Variants in TPO observed in about 807,000 individuals in gnomAD.
TPO encodes the protein thyroid microsomal antigen.
TPO carries 78 observed loss-of-function variants against 96.9 expected under a neutral mutation model. That is an observed-to-expected ratio of 0.81 (90% CI 0.67 to 0.97). TPO has a LOEUF of 0.97. Among genes scored for constraint, TPO ranks in the 50% least tolerant of loss-of-function variants. The pLI, the probability that TPO is intolerant of heterozygous loss-of-function variation, is 0.00. For missense variants in TPO, 1,252 were observed against 1,274.8 expected, an observed-to-expected ratio of 0.98 and a Z score of 0.27; for synonymous variants, 547 against 538.0, an observed-to-expected ratio of 1.02 and a Z score of -0.23.
chr2:1,496,351 G>GGGGCA (rs1672339745), intron 12 of TPO, among the ~76,000 whole-genome samples, 154 bp downstream of exon 12: 1 of 147,882 alleles, frequency 6.8e-6, no homozygotes, highest in African/African-American at 2.7e-5. Flanking sequence ...GGGGCGGGGC[G>GGGGCA]GGGCGGGGCG....
At chr2:1,476,727 C>T (rs988970805) in intron 7 of TPO, among the ~76,000 whole-genome samples, 3 of 152,312 alleles carry the variant, frequency 2.0e-5, no homozygotes, top group African/African-American at 7.2e-5. Flanking sequence ...ATGTGGGGTC[C>T]ATCCTCTGGG....
At chr2:1,422,395 G>GACAGACCTCGT (rs1163151839) in intron 2 of TPO, among the ~76,000 whole-genome samples, 74 of 151,410 alleles carry the variant, frequency 4.9e-4, no homozygotes, top group South Asian at 1.3e-3. Context: ...CGCCGCGCTG[G>GACAGACCTCGT]GCCATGGGGA....
intron 8 of TPO, among the ~76,000 whole-genome samples, chr2:1,482,130 CGA>C (rs1399403986): frequency 6.6e-6 from 1 of 152,190 alleles, no homozygotes; most frequent in Non-Finnish European, 1.5e-5. Flanking sequence ...TGAAAGCAGT[CGA>C]GAGTCAGAAA....
intron 12 of TPO, 144 bp from the exon 13 acceptor site, chr2:1,496,451 G>C (rs755812834): frequency 1.2e-5 from 15 of 1,201,784 alleles, no homozygotes; most frequent in Non-Finnish European, 1.7e-5. Context: ...GTGCTGCGTG[G>C]GTGCTCAGTG....
intron 1 of TPO, among the ~76,000 whole-genome samples, chr2:1,391,186 C>G (rs1390329764): frequency 6.6e-6 from 1 of 152,174 alleles, no homozygotes; most frequent in Admixed American, 6.5e-5. Context: ...AGTCTTTAAT[C>G]CATCTTGAAT....
At chr2:1,427,471 A>G (rs1664532715) in intron 3 of TPO, among the ~76,000 whole-genome samples, 1 of 151,982 alleles carries the variant, frequency 6.6e-6, no homozygotes, top group African/African-American at 2.4e-5. Context: ...TGGCCCCATG[A>G]GTGTGTGGGG....
intron 15 of TPO, among the ~76,000 whole-genome samples, chr2:1,526,371 AC>A (rs1459783980): frequency 2.1e-5 from 1 of 47,242 alleles, no homozygotes; most frequent in Non-Finnish European, 3.8e-5. Context: ...ACTGTGTGCA[AC>A]CCCCCAAATG....
In TPO at chr2:1,493,873, G is replaced by A. The variant is rs752867884; in HGVS notation, c.1840G>A (p.Ala614Thr). ...CCCCGCTGACCTGAGCACAGCCATC[G>A]CCAGCAGGAGCGTGGCCGACAAGAT... ...ETPADLSTAI[A>T]SRSVADKILD... Residue 614 changes from alanine (A) to threonine (T), a missense_variant, in exon 11 of 17, where the codon GCC becomes ACC. Ala to Thr is a moderately conservative substitution (Grantham distance 58). Transcript: ENST00000329066. 8.1e-6 allele frequency: 13 copies of A among 1,614,058 alleles called. No individual in the cohort carries two copies. The Admixed American group carries it at 1.2e-4, about 14-fold the overall frequency.
chr2:1,435,875 G>C (rs573586048), intron 4 of TPO, among the ~76,000 whole-genome samples: 2 of 152,232 alleles, frequency 1.3e-5, no homozygotes, highest in South Asian at 4.1e-4. Flanking sequence ...GCCATTACTA[G>C]GCACACATGC....
intron 8 of TPO, among the ~76,000 whole-genome samples, chr2:1,484,072 A>T (rs1460077002): frequency 6.6e-6 from 1 of 152,192 alleles, no homozygotes; most frequent in African/African-American, 2.4e-5. Flanking sequence ...ACACTGTTAA[A>T]CCTGAAAGTA....
chr2:1,479,006 G>A lies in TPO; in HGVS notation c.1338+1402G>A, dbSNP rs577482285. ...GGAGGCTTATGTGGGTGAGAAGATC[G>A]AGTTAGAAATGAAAACAGGAACCTT... On this transcript the variant is annotated intron_variant, in intron 8 of 16. Coordinates refer to ENST00000329066, the MANE Select transcript of TPO (RefSeq NM_001206744.2). Among the ~76,000 whole-genome samples the A allele has an allele frequency of 3.3e-5, 5 of 152,330 alleles. No homozygotes were observed. The East Asian group carries it at 5.8e-4, about 18-fold the overall frequency.
At chr2:1,411,856 A>G (rs1376142836), upstream of TPO, among the ~76,000 whole-genome samples, 1 of 152,072 alleles carries the variant, frequency 6.6e-6, no homozygotes, top group African/African-American at 2.4e-5. Context: ...AATCCAGGCT[A>G]ATCTCCCCTC....
rs1454748950 is a variant in TPO at position 1,490,479 on chromosome 2, CAG to C, written c.1768+2489_1768+2490del. 7.7e-5 allele frequency among the ~76,000 whole-genome samples: 11 copies of C among 142,732 alleles called. No individual in the cohort carries two copies. The East Asian group carries it at 2.2e-3, about 29-fold the overall frequency. The allele number at this position is 142,732 out of a possible 152,430, so 93.6% of individuals were successfully genotyped here. A position where few individuals can be genotyped will look rare whatever the true frequency, so the allele number is the denominator to read the frequency against. On this transcript the variant is annotated intron_variant, in intron 10 of 16. Transcript: ENST00000329066. ...TAAGAGCCGCCACGAGGGTCCCACA[CAG>C]GGGGAGTCACGACACAGCAGTGTAA... is the stretch of plus-strand genomic sequence containing the variant.
chr2:1,380,038 G>T (rs140532157), intron 1 of TPO, among the ~76,000 whole-genome samples: 2 of 152,104 alleles, frequency 1.3e-5, no homozygotes, highest in African/African-American at 4.8e-5. Flanking sequence ...AAAAGATTAC[G>T]TAGAAAATCT....
intron 15 of TPO, among the ~76,000 whole-genome samples, chr2:1,529,092 TAACCTCTCCAAATCCCCCCACTGTGTGC>T (rs1677350103): frequency 2.6e-5 from 1 of 38,964 alleles, no homozygotes; most frequent in African/African-American, 1.3e-4. Context: ...CAACTGTGTT[TAACCTCTCCAAATCCCCCCACTGTGTGC>T]AACCTCCCCG....
At chr2:1,393,030 C>T (rs1487484094) in intron 1 of TPO, among the ~76,000 whole-genome samples, 2 of 152,122 alleles carry the variant, frequency 1.3e-5, no homozygotes, top group Admixed American at 1.3e-4. Flanking sequence ...AGGTCATTCT[C>T]ATAATGGTAT....
intron 15 of TPO, among the ~76,000 whole-genome samples, chr2:1,524,381 T>A (rs1573542298): frequency 5.9e-5 from 3 of 51,014 alleles, no homozygotes; most frequent in Non-Finnish European, 1.1e-4. Context: ...CCTCCCCAAA[T>A]CCCCCCCACT....
rs1196930055 is a variant in TPO at position 1,523,700 on chromosome 2, C to G, written c.2618+6718C>G. Reference sequence around the variant, plus strand: ...CCCACTGTGTGCAGCCTCCCCAAATCCCCCCCACTGTGTGCAACCTCCTCA... The same window carrying G: ...CCCACTGTGTGCAGCCTCCCCAAATGCCCCCCACTGTGTGCAACCTCCTCA... On this transcript the variant is annotated intron_variant, in intron 15 of 16. Coordinates refer to ENST00000329066, the MANE Select transcript of TPO (RefSeq NM_001206744.2). 5.3e-4 allele frequency among the ~76,000 whole-genome samples: 58 copies of G among 109,090 alleles called. 2 individuals are homozygous for G. Among genetic ancestry groups the G allele is most frequent in the Non-Finnish European group, 1.5e-4 (8 of 53,968 alleles). The allele number at this position is 109,090 out of a possible 152,430, so 71.6% of individuals were successfully genotyped here.
At chr2:1,524,815 C>A (rs1310734979) in intron 15 of TPO, among the ~76,000 whole-genome samples, 1 of 135,892 alleles carries the variant, frequency 7.4e-6, no homozygotes, top group Non-Finnish European at 1.6e-5. Flanking sequence ...CAACTGTGTG[C>A]CACTTCCCCA....
Sources: allele counts gnomAD v4.1 joint callset (sites outside exome capture counted in the v4.1 genomes callset), GRCh38; gene constraint gnomAD v4.1.1; transcripts MANE v1.5; gene names NCBI Gene and HGNC (gene_info 2026-07-23, HGNC 2026-07-21).